Variants in KLHL2 observed in about 807,000 individuals in gnomAD.
KLHL2 encodes the protein kelch-like protein 2.
KLHL2 carries 15 observed loss-of-function variants against 75.8 expected under a neutral mutation model. The ratio of observed to expected loss-of-function variants is 0.20; its 90% CI spans 0.13 to 0.30. The LOEUF is 0.30. Among genes scored for constraint, KLHL2 ranks in the 10% least tolerant of loss-of-function variants. The pLI is 1.00. For missense variants in KLHL2, 381 were observed against 741.0 expected, an observed-to-expected ratio of 0.51 and a Z score of 5.64; for synonymous variants, 214 against 251.9, an observed-to-expected ratio of 0.85 and a Z score of 1.42.
At chr4:165,237,676 G>A (rs1365583103) in intron 3 of KLHL2, among the ~76,000 whole-genome samples, 2 of 152,210 alleles carry the variant, frequency 1.3e-5, no homozygotes, top group Admixed American at 6.5e-5. Flanking sequence ...AAGAAATCTT[G>A]AGGCTATGTT....
intron 5 of KLHL2, among the ~76,000 whole-genome samples, chr4:165,277,172 G>A (rs909449404): frequency 1.3e-5 from 2 of 152,026 alleles, no homozygotes; most frequent in Non-Finnish European, 2.9e-5. Context: ...AGAACCTTCT[G>A]AATATAATGT....
Position 165,264,748 on chromosome 4 carries a change from A to ATG in KLHL2, c.544+1390_544+1391insGT, listed in dbSNP as rs1742088008. Among the ~76,000 whole-genome samples, 17 of 76,032 alleles carry ATG rather than the reference A, an allele frequency of 2.2e-4. No individual in the cohort carries two copies. In the South Asian group the frequency reaches 5.4e-3, roughly 24 times the overall value. 49.9% of individuals were successfully genotyped at this position (76,032 alleles called of 152,430 possible). A position where few individuals can be genotyped will look rare whatever the true frequency, so the allele number is the denominator to read the frequency against. On this transcript the variant is annotated intron_variant, in intron 5 of 14. Transcript: ENST00000226725. ...TATATATATATATATATGTATATAT[A>ATG]TATATATATATATATATAAAACATT...
chr4:165,264,650 G>A (rs1386652899), intron 5 of KLHL2, among the ~76,000 whole-genome samples: 1 of 121,442 alleles, frequency 8.2e-6, no homozygotes, highest in Non-Finnish European at 1.7e-5. Context: ...GTACACACAT[G>A]TATATACATA....
At chr4:165,321,601 G>A (rs888446841) in intron 14 of KLHL2, among the ~76,000 whole-genome samples, 1 of 152,100 alleles carries the variant, frequency 6.6e-6, no homozygotes, top group Non-Finnish European at 1.5e-5. Flanking sequence ...TTTTGACTGC[G>A]TGGAGGGTCA....
intron 2 of KLHL2, among the ~76,000 whole-genome samples, chr4:165,223,442 A>G (rs1047962319): frequency 1.3e-5 from 2 of 152,200 alleles, no homozygotes; most frequent in African/African-American, 2.4e-5. Flanking sequence ...AGCAGGATTC[A>G]CTGAGGGGAT....
chr4:165,290,317 T>C (rs1261579352), intron 5 of KLHL2, among the ~76,000 whole-genome samples: 1 of 151,992 alleles, frequency 6.6e-6, no homozygotes, highest in Non-Finnish European at 1.5e-5. Context: ...TAATTTTTTG[T>C]AGAGATGGTG....
intron 5 of KLHL2, among the ~76,000 whole-genome samples, chr4:165,290,462 C>G (rs1404780940): frequency 1.3e-5 from 2 of 152,006 alleles, no homozygotes; most frequent in Non-Finnish European, 2.9e-5. Context: ...TATAAAGAAC[C>G]TTGTTTTTTG....
At chr4:165,214,006 A>G (rs1578964475) in intron 1 of KLHL2, among the ~76,000 whole-genome samples, 1 of 152,200 alleles carries the variant, frequency 6.6e-6, no homozygotes, top group African/African-American at 2.4e-5. Flanking sequence ...TATTTGTGAA[A>G]TAAATTTTAT....
intron 1 of KLHL2, chr4:165,210,088 G>C (rs763726657): frequency 1.3e-6 from 2 of 1,551,584 alleles, no homozygotes; most frequent in Non-Finnish European, 1.7e-6. Context: ...CATGAAGTTA[G>C]ATTTTTAGCC....
chr4:165,234,613 A>ATTTTTTTT (rs1186473633), intron 3 of KLHL2, among the ~76,000 whole-genome samples: 1 of 115,284 alleles, frequency 8.7e-6, no homozygotes, highest in African/African-American at 3.5e-5. Context: ...TTGAGTTGGA[A>ATTTTTTTT]TTTTTTTTTT....
chr4:165,297,845 A>G (rs928181431), intron 7 of KLHL2, 120 bp downstream of exon 7: 6 of 729,238 alleles, frequency 8.2e-6, no homozygotes, highest in Admixed American at 7.7e-5. Context: ...AGTACAGGAC[A>G]GAAGACAGTA....
chr4:165,272,198 G>A (rs903258157), intron 5 of KLHL2, among the ~76,000 whole-genome samples: 2 of 152,120 alleles, frequency 1.3e-5, no homozygotes, highest in African/African-American at 4.8e-5. Context: ...TGTGATCTGA[G>A]TTCTAGGAAG....
At chr4:165,220,256 G>A (rs559619636) in intron 2 of KLHL2, among the ~76,000 whole-genome samples, 197 bp downstream of exon 2, 46 of 152,258 alleles carry the variant, frequency 3.0e-4, no homozygotes, top group Non-Finnish European at 5.1e-4. Context: ...TCCTCTATTA[G>A]TGTGGTAGCC....
chr4:165,212,505 A>G (rs1737257740), intron 1 of KLHL2, among the ~76,000 whole-genome samples: 1 of 152,226 alleles, frequency 6.6e-6, no homozygotes, highest in Admixed American at 6.5e-5. Flanking sequence ...GGCATTTGCT[A>G]AAATATTCCT....
chr4:165,222,555 G>A (rs1241703752), intron 2 of KLHL2, among the ~76,000 whole-genome samples: 2 of 152,042 alleles, frequency 1.3e-5, no homozygotes, highest in Admixed American at 6.6e-5. Flanking sequence ...TCTATAACCC[G>A]GATTGTTTTA....
At chr4:165,310,831 T>A in intron 10 of KLHL2, 81 bp downstream of exon 10, 1 of 1,136,264 alleles carries the variant, frequency 8.8e-7, no homozygotes, top group Non-Finnish European at 1.3e-6. Flanking sequence ...GTGGCAACAT[T>A]AGGGCACATG....
rs188697977 is a variant in KLHL2, at chr4:165,308,054, G to T, written c.1039+2329G>T. 1.9e-3 allele frequency among the ~76,000 whole-genome samples: 295 copies of T among 152,190 alleles called. 1 individual carries two copies. The highest frequency in any genetic ancestry group is 6.9e-3 in the African/African-American group (288 of 41,508). Reference sequence around the variant, plus strand: ...CCATTGATTTGTCTTGCCTATTCATGCATCAAGACAAAGCCAATTTTAGTT... The same window carrying T: ...CCATTGATTTGTCTTGCCTATTCATTCATCAAGACAAAGCCAATTTTAGTT... On this transcript the variant is annotated intron_variant, in intron 9 of 14. Coordinates refer to ENST00000226725, the MANE Select transcript of KLHL2 (RefSeq NM_007246.4).
chr4:165,319,211 T>G lies in KLHL2; in HGVS notation c.1753+1242T>G, dbSNP rs1000549498. Reference sequence around the variant, plus strand: ...AAAGCTGTGGGGGGCTAATTACCTTTGAAAGAGCAGTTTGTCTCTTCAGCG... The same window carrying G: ...AAAGCTGTGGGGGGCTAATTACCTTGGAAAGAGCAGTTTGTCTCTTCAGCG... On this transcript the variant is annotated intron_variant, in intron 14 of 14. Transcript: ENST00000226725. The surrounding 1 kb of genome is among the most constrained non-coding windows in gnomAD (Gnocchi z 4.5). Among the ~76,000 whole-genome samples, 1 of 152,236 alleles carries G rather than the reference T, an allele frequency of 6.6e-6. No homozygotes were observed. Among genetic ancestry groups the G allele is most frequent in the Non-Finnish European group, 1.5e-5 (1 of 68,036 alleles).
intron 3 of KLHL2, among the ~76,000 whole-genome samples, chr4:165,234,888 C>T (rs1739206743): frequency 1.3e-5 from 2 of 152,074 alleles, no homozygotes; most frequent in South Asian, 4.1e-4. Flanking sequence ...AATCCCAGTA[C>T]TTTGGGAGGC....
Sources: allele counts gnomAD v4.1 joint callset (sites outside exome capture counted in the v4.1 genomes callset), GRCh38; gene constraint gnomAD v4.1.1; non-coding constraint Gnocchi (gnomAD v3.1); transcripts MANE v1.5; gene names NCBI Gene and HGNC (gene_info 2026-07-23, HGNC 2026-07-21).